The following LRBA variants were observed in gnomAD, a reference collection of about 807,000 sequenced individuals.
The protein encoded by LRBA is lipopolysaccharide-responsive and beige-like anchor protein.
Under a neutral mutation model 330.0 loss-of-function variants are expected in LRBA, and 176 were observed. The observed-to-expected ratio is 0.53, with a 90% confidence interval of 0.47 to 0.60. LRBA has a LOEUF of 0.60. Among genes scored for constraint, LRBA ranks in the 20% least tolerant of loss-of-function variants. LRBA has a pLI of 0.00. For synonymous variants in LRBA, 1,230 were observed against 1,193.0 expected (o/e 1.03, Z -0.64); for missense variants, 3,259 against 3,444.8 (o/e 0.95, Z 1.35).
intron 34 of LRBA, among the ~76,000 whole-genome samples, chr4:150,772,991 C>A (rs534372314): frequency 8.8e-4 from 134 of 152,244 alleles, no homozygotes; most frequent in Middle Eastern, 3.4e-3. Flanking sequence ...CTAGCATGTA[C>A]CTTTTTGGTT....
At chr4:150,997,515 A>C (rs992092645) in intron 2 of LRBA, among the ~76,000 whole-genome samples, 8 of 152,188 alleles carry the variant, frequency 5.3e-5, no homozygotes, top group African/African-American at 1.9e-4. Context: ...GGTTACTTGT[A>C]TTCAATCTAA....
At chr4:150,895,168 A>T (rs1300113023) in intron 16 of LRBA, among the ~76,000 whole-genome samples, 1 of 152,222 alleles carries the variant, frequency 6.6e-6, no homozygotes, top group Non-Finnish European at 1.5e-5. Flanking sequence ...TTTACTAATT[A>T]TAGGTAAAAA....
chr4:150,953,586 A>C lies in LRBA; in HGVS notation c.217-24521T>G, dbSNP rs940260762. ...CGCCGTGTTGGCTGGGCTGGTCTCCAGCTCCTACCGCGAGTGATCTGCCAG... is the reference window on the plus strand; with the variant it reads ...CGCCGTGTTGGCTGGGCTGGTCTCCCGCTCCTACCGCGAGTGATCTGCCAG... On this transcript the variant is annotated intron_variant, in intron 2 of 56. Coordinates refer to ENST00000651943, the MANE Select transcript of LRBA (RefSeq NM_001364905.1). Among the ~76,000 whole-genome samples, 17 of 146,730 alleles carry C rather than the reference A, an allele frequency of 1.2e-4. No individual in the cohort carries two copies. The East Asian group carries it at 3.3e-3, about 29-fold the overall frequency.
intron 37 of LRBA, among the ~76,000 whole-genome samples, chr4:150,648,691 T>C (rs1460339976): frequency 1.3e-5 from 2 of 152,040 alleles, no homozygotes; most frequent in Non-Finnish European, 2.9e-5. Flanking sequence ...TGAAGCTTAT[T>C]AGCATTTTAG....
chr4:150,477,547 C>T (rs565971960), intron 42 of LRBA, among the ~76,000 whole-genome samples: 2 of 152,170 alleles, frequency 1.3e-5, no homozygotes, highest in South Asian at 2.1e-4. Context: ...CTCCATGATC[C>T]AATCAGGTCC....
chr4:150,345,754 T>C (rs925551906), intron 48 of LRBA, among the ~76,000 whole-genome samples: 3 of 152,190 alleles, frequency 2.0e-5, no homozygotes, highest in African/African-American at 7.2e-5. Flanking sequence ...CATTATACTA[T>C]AGGATTTAGC....
Position 150,874,828 on chromosome 4 carries a change from G to T in LRBA, c.2166-2073C>A, listed in dbSNP as rs115579629. Among the ~76,000 whole-genome samples, 709 of 152,076 alleles carry T rather than the reference G, an allele frequency of 4.7e-3. 7 individuals carry two copies. Among genetic ancestry groups the T allele is most frequent in the African/African-American group, 0.016 (677 of 41,478 alleles). ...ACTAGCAACCTGAGCCCTATTCCAC[G>T]TGGTGCAGCAAGATGCACAGGCAGA... On this transcript the variant is annotated intron_variant, in intron 17 of 56. Coordinates refer to ENST00000651943, the MANE Select transcript of LRBA (RefSeq NM_001364905.1).
intron 36 of LRBA, among the ~76,000 whole-genome samples, chr4:150,701,302 A>T (rs1419031931): frequency 6.6e-6 from 1 of 151,436 alleles, no homozygotes; most frequent in Non-Finnish European, 1.5e-5. Flanking sequence ...TACAGTTAAC[A>T]TTTTTTTTTA....
intron 43 of LRBA, among the ~76,000 whole-genome samples, chr4:150,470,154 G>T (rs773839896): frequency 1.3e-5 from 2 of 152,176 alleles, no homozygotes; most frequent in African/African-American, 4.8e-5. Context: ...TTGCACTCCA[G>T]CCTGGGGAAG....
chr4:150,343,186 T>C (rs1047163696), intron 48 of LRBA, among the ~76,000 whole-genome samples: 2 of 152,124 alleles, frequency 1.3e-5, no homozygotes, highest in Admixed American at 6.5e-5. Context: ...GGGAGAGCAG[T>C]AGGAGCTAAC....
At chr4:150,987,713 A>C (rs1443322621) in intron 2 of LRBA, among the ~76,000 whole-genome samples, 3 of 151,538 alleles carry the variant, frequency 2.0e-5, no homozygotes, top group Non-Finnish European at 4.4e-5. Context: ...ATCCAAAAAA[A>C]AAAACAGGCC....
chr4:150,579,416 G>T, intron 40 of LRBA: 2 of 442,926 alleles, frequency 4.5e-6, no homozygotes, highest in South Asian at 3.2e-5. Context: ...TTATTTGCTG[G>T]AAGTGTTTAA....
intron 14 of LRBA, among the ~76,000 whole-genome samples, chr4:150,899,481 G>GT (rs944865771): frequency 7.2e-5 from 11 of 152,074 alleles, no homozygotes; most frequent in African/African-American, 2.7e-4. Context: ...CAAGGAGACT[G>GT]TTATAGTTAC....
chr4:150,719,718 G>C (rs536016518), intron 36 of LRBA, among the ~76,000 whole-genome samples: 3 of 152,062 alleles, frequency 2.0e-5, no homozygotes, highest in Non-Finnish European at 4.4e-5. Context: ...CAAATACAGA[G>C]AGAAACAAAC....
intron 40 of LRBA, among the ~76,000 whole-genome samples, chr4:150,557,540 T>C (rs568841825): frequency 2.9e-4 from 44 of 151,924 alleles, no homozygotes; most frequent in Non-Finnish European, 1.0e-4. Context: ...CACCACATTA[T>C]ATTTAGTCTT....
At chr4:150,686,178 A>G in intron 36 of LRBA, among the ~76,000 whole-genome samples, 1 of 152,180 alleles carries the variant, frequency 6.6e-6, no homozygotes, top group East Asian at 1.9e-4. Context: ...GTCAATCCGA[A>G]GATTCTGGGC....
intron 36 of LRBA, among the ~76,000 whole-genome samples, chr4:150,706,541 C>T (rs1331695420): frequency 6.6e-6 from 1 of 151,260 alleles, no homozygotes; most frequent in Non-Finnish European, 1.5e-5. Flanking sequence ...TGTGTTTCTA[C>T]CCTTCCAACT....
At chr4:150,419,271 T>C (rs1341477774) in intron 46 of LRBA, among the ~76,000 whole-genome samples, 1 of 152,204 alleles carries the variant, frequency 6.6e-6, no homozygotes, top group Non-Finnish European at 1.5e-5. Flanking sequence ...CTTGGCACCA[T>C]GGTTTTTGGC....
Position 150,960,757 on chromosome 4 carries a change from T to C in LRBA, c.217-31692A>G, listed in dbSNP as rs72721711. On this transcript the variant is annotated intron_variant, in intron 2 of 56. Coordinates refer to ENST00000651943, the MANE Select transcript of LRBA (RefSeq NM_001364905.1). ...TTTTTCAATAGTTACAGTTTTACAA[T>C]AAAAATTTTTATGAGAAAGTTCTGT... Among the ~76,000 whole-genome samples the C allele has an allele frequency of 5.9e-3, 889 of 149,414 alleles. 15 individuals carry two copies. Among genetic ancestry groups the C allele is most frequent in the Non-Finnish European group, 9.1e-3 (621 of 68,004 alleles).
Sources: allele counts gnomAD v4.1 joint callset (sites outside exome capture counted in the v4.1 genomes callset), GRCh38; gene constraint gnomAD v4.1.1; transcripts MANE v1.5; gene names NCBI Gene and HGNC (gene_info 2026-07-23, HGNC 2026-07-21).